VPS13C: variants seen among roughly 807,000 people sequenced by gnomAD.
VPS13C encodes intermembrane lipid transfer protein VPS13C.
A neutral mutation model predicts 456.8 loss-of-function variants in VPS13C; 358 were observed. The observed-to-expected ratio is 0.78, with a 90% CI of 0.72 to 0.86. VPS13C has a LOEUF of 0.86. Among genes scored for constraint, VPS13C ranks in the 40% least tolerant of loss-of-function variants. The probability of loss-of-function intolerance (pLI) is 0.00; values close to 1 mark genes in which losing one functional copy is unlikely to be tolerated. For missense variants in VPS13C, 4,818 were observed against 4,385.4 expected, an observed-to-expected ratio of 1.10 and a Z score of -2.79; for synonymous variants, 1,578 against 1,486.7, an observed-to-expected ratio of 1.06 and a Z score of -1.41.
intron 1 of VPS13C, among the ~76,000 whole-genome samples, chr15:62,056,625 T>G (rs548120371): frequency 6.6e-6 from 1 of 152,122 alleles, no homozygotes; most frequent in Non-Finnish European, 1.5e-5. Context: ...CCACCTCTTG[T>G]GGAGGGCCTG....
chr15:61,954,639 A>C (rs1374456763), intron 37 of VPS13C, 85 bp from the exon 38 acceptor site: 1 of 1,369,536 alleles, frequency 7.3e-7, no homozygotes, highest in Admixed American at 2.8e-5. Flanking sequence ...AGTATTCTGG[A>C]CCTGGTAGAG....
intron 16 of VPS13C, among the ~76,000 whole-genome samples, chr15:61,992,431 T>C (rs2046251355): frequency 6.6e-6 from 1 of 152,160 alleles, no homozygotes; most frequent in Non-Finnish European, 1.5e-5. Flanking sequence ...GATTATATGT[T>C]CTCATTCCCT....
At chr15:61,891,949 A>C (rs1230557459) in intron 66 of VPS13C, among the ~76,000 whole-genome samples, 1 of 152,192 alleles carries the variant, frequency 6.6e-6, no homozygotes, top group East Asian at 1.9e-4. Context: ...ATGGTAACAG[A>C]AATGAACTTC....
rs1596308575 is a variant in VPS13C at position 61,899,608 on chromosome 15, T to A, written c.9105+7656A>T. Among the ~76,000 whole-genome samples the A allele has an allele frequency of 2.0e-5, 3 of 148,644 alleles. No individual in the cohort carries two copies. The East Asian group carries it at 6.0e-4, about 30-fold the overall frequency. On this transcript the variant is annotated intron_variant, in intron 66 of 84. Coordinates refer to ENST00000644861, the MANE Select transcript of VPS13C (RefSeq NM_020821.3). ...AGACCAATAACAGGATCTGAAATTGTGGCAATAATCAATAGCTTACCAACC... is the reference window on the plus strand; with the variant it reads ...AGACCAATAACAGGATCTGAAATTGAGGCAATAATCAATAGCTTACCAACC...
At chr15:62,046,628 G>A (rs951388456) in intron 1 of VPS13C, among the ~76,000 whole-genome samples, 22 of 152,138 alleles carry the variant, frequency 1.4e-4, no homozygotes, top group African/African-American at 5.3e-4. Context: ...TTCCCAATTG[G>A]TGGGCCAAGA....
chr15:61,875,092 C>T, intron 76 of VPS13C, 141 bp from the exon 77 acceptor site: 1 of 653,452 alleles, frequency 1.5e-6, no homozygotes, highest in Non-Finnish European at 2.3e-6. Flanking sequence ...TCACTTCTAC[C>T]CCAAATATGG....
chr15:61,984,149 C>A, intron 19 of VPS13C, 137 bp from the exon 20 acceptor site: 3 of 719,460 alleles, frequency 4.2e-6, no homozygotes, highest in Non-Finnish European at 6.6e-6. Flanking sequence ...TGAAGCTCAA[C>A]CTCCTTAGCC....
intron 6 of VPS13C, among the ~76,000 whole-genome samples, chr15:62,026,704 T>C (rs2047652902): frequency 6.6e-6 from 1 of 152,226 alleles, no homozygotes; most frequent in East Asian, 1.9e-4. Context: ...CCTACTTCAG[T>C]ATGCAGAAAT....
intron 5 of VPS13C, among the ~76,000 whole-genome samples, chr15:62,030,038 G>A (rs975074017): frequency 6.6e-6 from 1 of 151,946 alleles, no homozygotes; most frequent in Non-Finnish European, 1.5e-5. Context: ...CTGTGCAGCT[G>A]GTCCAAAAAA....
chr15:62,020,466 A>C lies in VPS13C; in HGVS notation c.684+13T>G, dbSNP rs1230682859. The stretch of plus-strand genomic sequence containing the variant: ...ACAGGTTCCATAGAAGTTTAAAATA[A>C]AGCAAACATTACCAGTAGACTAAGC... On this transcript the variant is annotated intron_variant, in intron 9 of 84. Coordinates refer to ENST00000644861, the MANE Select transcript of VPS13C (RefSeq NM_020821.3). 1.2e-6 allele frequency: 2 copies of C among 1,605,988 alleles called. No individual in the cohort carries two copies. Among genetic ancestry groups the C allele is most frequent in the African/African-American group, 2.7e-5 (2 of 74,460 alleles).
Position 62,037,327 on chromosome 15 carries a change from T to A in VPS13C, c.188-2275A>T, listed in dbSNP as rs1369284724. ...ATATATATAAATATATTATATATTA[T>A]ATACATTTATATATAATATATTATA... On this transcript the variant is annotated intron_variant, in intron 3 of 84. Coordinates refer to ENST00000644861, the MANE Select transcript of VPS13C (RefSeq NM_020821.3). Among the ~76,000 whole-genome samples the A allele has an allele frequency of 1.8e-3, 156 of 88,364 alleles. 4 individuals are homozygous for A. Among genetic ancestry groups the A allele is most frequent in the African/African-American group, 6.4e-3 (139 of 21,826 alleles). The allele number at this position is 88,364 out of a possible 152,430, so 58.0% of individuals were successfully genotyped here.
intron 59 of VPS13C, 79 bp from the exon 60 acceptor site, chr15:61,917,714 A>G (rs946232084): frequency 7.0e-7 from 1 of 1,438,044 alleles, no homozygotes; most frequent in African/African-American, 1.4e-5. Flanking sequence ...CTTCCTGACA[A>G]CTCTACAAGA....
Position 61,981,206 on chromosome 15 carries a change from A to G in VPS13C, c.2166+136T>C, listed in dbSNP as rs553271985. ...AAAACATATATAAAATACTCCAAGC[A>G]AGGCTTGAAACACAGGCTAAAAAAT... On this transcript the variant is annotated intron_variant, in intron 22 of 84. Coordinates refer to ENST00000644861, the MANE Select transcript of VPS13C (RefSeq NM_020821.3). The G allele has an allele frequency of 4.6e-5, 49 of 1,074,676 alleles. No homozygotes were observed. The South Asian group carries it at 1.1e-3, about 24-fold the overall frequency. The allele number at this position is 1,074,676 out of a possible 1,614,324, so 66.6% of individuals were successfully genotyped here. A position where few individuals can be genotyped will look rare whatever the true frequency, so the allele number is the denominator to read the frequency against.
rs746749711 is a variant in VPS13C, at chr15:62,000,611, G to C, written c.1306C>G (p.Leu436Val). ...QKEIQDLEKT[L>V]DVFNIILARQ... ...GCTAAAATTATGTTAAAAACATCTA[G>C]AGTCTTCTCCAAGTCCTGTAAAAAA... is the stretch of plus-strand genomic sequence containing the variant. Residue 436 changes from leucine (L) to valine (V), a missense_variant, in exon 16 of 85, where the codon CTA (leucine) becomes GTA (valine). By Grantham distance (32) the Leu-to-Val change is conservative. Coordinates refer to ENST00000644861, the MANE Select transcript of VPS13C (RefSeq NM_020821.3). 14 of 1,606,144 alleles carry C rather than the reference G, an allele frequency of 8.7e-6. No individual in the cohort carries two copies. The South Asian group carries it at 1.2e-4, about 14-fold the overall frequency.
At chr15:61,885,988 A>C (rs1259118550) in intron 67 of VPS13C, among the ~76,000 whole-genome samples, 1 of 152,086 alleles carries the variant, frequency 6.6e-6, no homozygotes, top group African/African-American at 2.4e-5. Context: ...TTGTTTTTGT[A>C]ATTGACTATT....
chr15:61,966,408 T>C (rs143013073), intron 29 of VPS13C, among the ~76,000 whole-genome samples: 3 of 151,974 alleles, frequency 2.0e-5, no homozygotes, highest in African/African-American at 4.8e-5. Flanking sequence ...CTGAAGGTTG[T>C]AAGGTGTCAC....
At chr15:61,990,726 A>G (rs998455888) in intron 18 of VPS13C, among the ~76,000 whole-genome samples, 4 of 152,016 alleles carry the variant, frequency 2.6e-5, no homozygotes, top group East Asian at 1.9e-4. Context: ...CAGGAGAATC[A>G]CTTGAACCCA....
intron 23 of VPS13C, among the ~76,000 whole-genome samples, 172 bp from the exon 24 acceptor site, chr15:61,977,371 G>GAAAT (rs2140369274): frequency 6.6e-6 from 1 of 152,064 alleles, no homozygotes; most frequent in South Asian, 2.1e-4. Flanking sequence ...CAGCGTATCA[G>GAAAT]TTAAATAACC....
In VPS13C at chr15:61,854,279, A is replaced by T; in HGVS notation, c.*178T>A. 1 of 634,044 alleles carries T rather than the reference A, an allele frequency of 1.6e-6. No homozygotes were observed. Among genetic ancestry groups the T allele is most frequent in the African/African-American group, 1.8e-5 (1 of 54,616 alleles). The allele number at this position is 634,044 out of a possible 1,614,324, so 39.3% of individuals were successfully genotyped here. On this transcript the variant is annotated 3_prime_UTR_variant, in exon 85 of 85. Coordinates refer to ENST00000644861, the MANE Select transcript of VPS13C (RefSeq NM_020821.3). ...GTGGACTGCTAGCATATACATGGTT[A>T]CAAAATTAGAGTAAAAACTAAAAGG... is the stretch of plus-strand genomic sequence containing the variant.
Sources: gnomAD v4.1 joint callset for allele counts (sites outside exome capture counted in the v4.1 genomes callset) on GRCh38, gnomAD v4.1.1 for gene constraint, MANE v1.5 for transcripts, NCBI Gene and HGNC (gene_info 2026-07-23, HGNC 2026-07-21) for gene names.